Variants in PCCA observed in about 807,000 individuals in gnomAD.
PCCA encodes the protein propionyl-CoA carboxylase alpha chain, mitochondrial.
A neutral mutation model predicts 101.3 loss-of-function variants in PCCA; 74 were observed. That is an observed-to-expected ratio of 0.73 (90% confidence interval 0.61 to 0.89). The LOEUF is 0.89. Ranked by LOEUF, PCCA falls within the 40% of genes least tolerant of loss-of-function variation. The pLI, the probability that PCCA is intolerant of heterozygous loss-of-function variation, is 0.00. For missense variants in PCCA, 891 were observed against 907.0 expected, an observed-to-expected ratio of 0.98 and a Z score of 0.23; for synonymous variants, 294 against 313.6, an observed-to-expected ratio of 0.94 and a Z score of 0.66.
chr13:100,413,586 A>G lies in PCCA; in HGVS notation c.1747-12047A>G, dbSNP rs1163938891. Among the ~76,000 whole-genome samples, 3 of 152,184 alleles carry G rather than the reference A, an allele frequency of 2.0e-5. No homozygotes were observed. The South Asian group carries it at 6.2e-4, about 32-fold the overall frequency. ...GTATAGAGCGTCACTAAGTTGAACTACCACCAACAGCCAGCATTCATTGAG... is the reference window on the plus strand; with the variant it reads ...GTATAGAGCGTCACTAAGTTGAACTGCCACCAACAGCCAGCATTCATTGAG... On this transcript the variant is annotated intron_variant, in intron 19 of 23. Transcript: ENST00000376285.
intron 7 of PCCA, among the ~76,000 whole-genome samples, chr13:100,231,294 C>T (rs2060456830): frequency 6.6e-6 from 1 of 152,124 alleles, no homozygotes; most frequent in Non-Finnish European, 1.5e-5. Flanking sequence ...GTAATAAAAG[C>T]TGGTTTGGTA....
chr13:100,113,943 G>A lies in PCCA; in HGVS notation c.300+1882G>A, dbSNP rs145087734. ...AAACACTGTATAACTGTACAAAAAT[G>A]TTTTCTTTATATCCTTATTTTATAA... On this transcript the variant is annotated intron_variant, in intron 4 of 23. Coordinates refer to ENST00000376285, the MANE Select transcript of PCCA (RefSeq NM_000282.4). Among the ~76,000 whole-genome samples the A allele has an allele frequency of 2.7e-3, 416 of 152,094 alleles. 2 individuals are homozygous for A. Among genetic ancestry groups the A allele is most frequent in the Admixed American group, 4.1e-3 (63 of 15,282 alleles).
intron 19 of PCCA, among the ~76,000 whole-genome samples, chr13:100,390,339 T>G (rs1414381386): frequency 6.6e-6 from 1 of 152,144 alleles, no homozygotes; most frequent in African/African-American, 2.4e-5. Flanking sequence ...GGAAGACAAT[T>G]TTAGACATAA....
Position 100,232,355 on chromosome 13 carries a change from T to TGC in PCCA, c.601-3486_601-3485insCG, listed in dbSNP as rs1240181267. Among the ~76,000 whole-genome samples, 740 of 143,580 alleles carry TGC rather than the reference T, an allele frequency of 5.2e-3. 9 individuals are homozygous for TGC. The highest frequency in any genetic ancestry group is 0.014 in the African/African-American group (521 of 36,860). The allele number at this position is 143,580 out of a possible 152,430, so 94.2% of individuals were successfully genotyped here. A position where few individuals can be genotyped will look rare whatever the true frequency, so the allele number is the denominator to read the frequency against. On this transcript the variant is annotated intron_variant, in intron 7 of 23. Coordinates refer to ENST00000376285, the MANE Select transcript of PCCA (RefSeq NM_000282.4). ...GTTTATGTGTGTGTGTGTATGCGTG[T>TGC]GTGTGTGTGTGTGTGTGTGTGTGTG...
At chr13:100,155,371 A>G (rs1230171350) in intron 5 of PCCA, among the ~76,000 whole-genome samples, 2 of 152,244 alleles carry the variant, frequency 1.3e-5, no homozygotes, top group Admixed American at 1.3e-4. Context: ...GAAAAAAGAA[A>G]TCCCAATTAG....
At chr13:100,514,899 A>G (rs545842153) in intron 21 of PCCA, among the ~76,000 whole-genome samples, 1 of 152,362 alleles carries the variant, frequency 6.6e-6, no homozygotes, top group South Asian at 2.1e-4. Flanking sequence ...CACTGAAAAA[A>G]TGGAATTTTA....
chr13:100,260,407 T>G (rs538124539), intron 9 of PCCA, among the ~76,000 whole-genome samples: 97 of 132,480 alleles, frequency 7.3e-4, no homozygotes, highest in South Asian at 1.4e-3. Context: ...GTTTTTTTTT[T>G]TTTTTTTGAG....
At chr13:100,362,850 C>A (rs2074772265) in intron 18 of PCCA, among the ~76,000 whole-genome samples, 1 of 152,154 alleles carries the variant, frequency 6.6e-6, no homozygotes, top group African/African-American at 2.4e-5. Flanking sequence ...TTTGAACATA[C>A]ACATTTTCAA....
At chr13:100,393,312 C>T (rs770989370) in intron 19 of PCCA, among the ~76,000 whole-genome samples, 5 of 151,862 alleles carry the variant, frequency 3.3e-5, no homozygotes, top group Non-Finnish European at 7.4e-5. Context: ...TCTTTTACCA[C>T]TTTAAAGGCC....
chr13:100,287,836 T>C (rs1221446784), intron 12 of PCCA, among the ~76,000 whole-genome samples: 1 of 152,176 alleles, frequency 6.6e-6, no homozygotes, highest in East Asian at 1.9e-4. Flanking sequence ...ATCAAGAATT[T>C]ATTTTTTAGA....
intron 21 of PCCA, among the ~76,000 whole-genome samples, chr13:100,455,148 A>G (rs1302322766): frequency 6.6e-6 from 1 of 152,222 alleles, no homozygotes; most frequent in African/African-American, 2.4e-5. Flanking sequence ...TGCTAATGAA[A>G]AAAAGTAAAT....
At chr13:100,325,095 G>A (rs1474135624) in intron 16 of PCCA, among the ~76,000 whole-genome samples, 2 of 152,032 alleles carry the variant, frequency 1.3e-5, no homozygotes, top group Non-Finnish European at 2.9e-5. Context: ...CCCATGTAAG[G>A]ACCATTGTAA....
rs1474884309 is a variant in PCCA at position 100,296,996 on chromosome 13, CTTAACATTTTTTAA to C, written c.1066-4463_1066-4450del. ...CCTTAGTTTTTTGGTCAGTTGTGAT[CTTAACATTTTTTAA>C]GAGCATAAACCATTTATTTTATAAA... On this transcript the variant is annotated intron_variant, in intron 12 of 23. Coordinates refer to ENST00000376285, the MANE Select transcript of PCCA (RefSeq NM_000282.4). Among the ~76,000 whole-genome samples the C allele has an allele frequency of 2.6e-5, 4 of 152,272 alleles. No individual in the cohort carries two copies. The East Asian group carries it at 7.7e-4, about 29-fold the overall frequency.
intron 6 of PCCA, among the ~76,000 whole-genome samples, chr13:100,166,673 A>G (rs1200416005): frequency 2.0e-5 from 3 of 152,128 alleles, no homozygotes; most frequent in African/African-American, 4.8e-5. Flanking sequence ...TTTAGTAGCC[A>G]TTCATCTGTT....
intron 4 of PCCA, among the ~76,000 whole-genome samples, chr13:100,151,488 A>G (rs974164019): frequency 5.3e-5 from 8 of 152,012 alleles, no homozygotes; most frequent in African/African-American, 1.7e-4. Context: ...CTACTTGGGA[A>G]GGCTGAGGCA....
chr13:100,090,838 C>T (rs1016943955), intron 1 of PCCA, among the ~76,000 whole-genome samples: 3 of 152,188 alleles, frequency 2.0e-5, no homozygotes, highest in Admixed American at 1.3e-4. Context: ...GTGACTTGCT[C>T]GAAGCTATAG....
intron 12 of PCCA, among the ~76,000 whole-genome samples, chr13:100,273,944 T>G (rs1046862185): frequency 3.1e-4 from 47 of 152,334 alleles, no homozygotes; most frequent in African/African-American, 1.1e-3. Context: ...TTTCTTTCAT[T>G]TAAATTGTGA....
chr13:100,494,513 G>A (rs1004203330), intron 21 of PCCA, among the ~76,000 whole-genome samples: 7 of 151,236 alleles, frequency 4.6e-5, no homozygotes, highest in Non-Finnish European at 1.0e-4. Context: ...GAGAAACCCT[G>A]CCTCTACTGA....
chr13:100,213,492 C>T (rs1403941662), intron 7 of PCCA, among the ~76,000 whole-genome samples: 1 of 152,178 alleles, frequency 6.6e-6, no homozygotes, highest in African/African-American at 2.4e-5. Context: ...TGATGTTGAG[C>T]ACCTTTTTAT....
Sources: gnomAD v4.1 joint callset for allele counts (sites outside exome capture counted in the v4.1 genomes callset) on GRCh38, gnomAD v4.1.1 for gene constraint, MANE v1.5 for transcripts, NCBI Gene and HGNC (gene_info 2026-07-23, HGNC 2026-07-21) for gene names.